NDST3: variants seen among roughly 807,000 people sequenced by gnomAD.
NDST3 encodes bifunctional heparan sulfate N-deacetylase/N-sulfotransferase 3.
NDST3 carries 58 observed loss-of-function variants against 96.1 expected under a neutral mutation model. The observed-to-expected ratio is 0.60, with a 90% CI of 0.49 to 0.75. NDST3 has a LOEUF of 0.75. Ranked by LOEUF, NDST3 falls within the 30% of genes least tolerant of loss-of-function variation. NDST3 has a pLI of 0.00. For synonymous variants in NDST3, 333 were observed against 359.7 expected (o/e 0.93, Z 0.84); for missense variants, 788 against 1,034.2 (o/e 0.76, Z 3.27).
intron 2 of NDST3, among the ~76,000 whole-genome samples, chr4:118,061,143 C>T (rs1725861595): frequency 6.6e-6 from 1 of 152,168 alleles, no homozygotes; most frequent in East Asian, 1.9e-4. Context: ...CTCCTTTTCC[C>T]TCACGCTACT....
chr4:118,235,048 G>GGAAGGAAGGAAGGAAA (rs6148636), intron 9 of NDST3, among the ~76,000 whole-genome samples: 86,946 of 127,282 alleles, frequency 0.68, 26,191 homozygotes, highest in East Asian at 0.82. Context: ...GAAAAAAAAA[G>GGAAGGAAGGAAGGAAA]GAAGGAAGGA....
intron 2 of NDST3, among the ~76,000 whole-genome samples, chr4:118,074,548 AAAG>A (rs1290737630): frequency 6.6e-6 from 1 of 152,110 alleles, no homozygotes; most frequent in Non-Finnish European, 1.5e-5. Flanking sequence ...GTTTTGTCTG[AAAG>A]AAGGATAACA....
In NDST3 at chr4:118,206,226, G is replaced by A. The variant is rs762583661; in HGVS notation, c.1540-18265G>A. Among the ~76,000 whole-genome samples, 11 of 143,996 alleles carry A rather than the reference G, an allele frequency of 7.6e-5. 1 individual carries two copies. The highest frequency in any genetic ancestry group is 1.5e-4 in the Non-Finnish European group (10 of 65,190). 94.5% of individuals were successfully genotyped at this position (143,996 alleles called of 152,430 possible). A position where few individuals can be genotyped will look rare whatever the true frequency, so the allele number is the denominator to read the frequency against. On this transcript the variant is annotated intron_variant, in intron 6 of 13. Transcript: ENST00000296499. ...TCTGTGAACTGGGCAACTACATAAC[G>A]AAGAAGATTTGAATTATATCTAAAC...
chr4:118,086,701 C>CA (rs1728451703), intron 2 of NDST3, among the ~76,000 whole-genome samples: 1 of 152,148 alleles, frequency 6.6e-6, no homozygotes, highest in African/African-American at 2.4e-5. Context: ...GTCTATACTA[C>CA]AAATGAGGGA....
chr4:118,129,829 T>G (rs1732454520), intron 4 of NDST3, among the ~76,000 whole-genome samples: 1 of 152,228 alleles, frequency 6.6e-6, no homozygotes, highest in South Asian at 2.1e-4. Flanking sequence ...TCTCTCTCTT[T>G]AGCTCTAATA....
At chr4:118,201,211 G>T (rs1014481522) in intron 6 of NDST3, among the ~76,000 whole-genome samples, 3 of 152,184 alleles carry the variant, frequency 2.0e-5, no homozygotes, top group African/African-American at 7.2e-5. Flanking sequence ...TTGATCCCAT[G>T]TCTTTGCTAG....
intron 6 of NDST3, among the ~76,000 whole-genome samples, chr4:118,150,755 G>A (rs1230595933): frequency 2.0e-5 from 3 of 151,370 alleles, no homozygotes; most frequent in Non-Finnish European, 4.4e-5. Flanking sequence ...TGGAGAGGAT[G>A]TGGAGAAATA....
intron 2 of NDST3, among the ~76,000 whole-genome samples, chr4:118,104,707 G>A (rs1466599199): frequency 6.6e-6 from 1 of 152,048 alleles, no homozygotes; most frequent in Non-Finnish European, 1.5e-5. Context: ...GGGTAAATTG[G>A]ATATATTTTA....
At chr4:118,069,933 A>T (rs1473774362) in intron 2 of NDST3, among the ~76,000 whole-genome samples, 1 of 152,050 alleles carries the variant, frequency 6.6e-6, no homozygotes, top group Admixed American at 6.6e-5. Context: ...AATTAAGTTT[A>T]AAAAGTTTTA....
intron 1 of NDST3, among the ~76,000 whole-genome samples, chr4:118,050,525 C>T (rs1002882832): frequency 1.3e-5 from 2 of 152,084 alleles, no homozygotes; most frequent in Non-Finnish European, 2.9e-5. Context: ...AGGAAAGTTT[C>T]AGGATACAAA....
chr4:118,096,567 T>A (rs1169790720), intron 2 of NDST3, among the ~76,000 whole-genome samples: 1 of 151,840 alleles, frequency 6.6e-6, no homozygotes, highest in Non-Finnish European at 1.5e-5. Flanking sequence ...ACCCTAGTCA[T>A]GATATATATA....
intron 6 of NDST3, among the ~76,000 whole-genome samples, chr4:118,154,385 A>G (rs1734598536): frequency 6.6e-6 from 1 of 152,198 alleles, no homozygotes; most frequent in Non-Finnish European, 1.5e-5. Context: ...TTTGAATCTA[A>G]TAAGAGGTTG....
intron 6 of NDST3, among the ~76,000 whole-genome samples, chr4:118,184,812 T>C (rs1224222597): frequency 2.0e-5 from 3 of 152,160 alleles, no homozygotes; most frequent in Non-Finnish European, 4.4e-5. Flanking sequence ...GTAAGCATGT[T>C]TGTGGTCTGC....
intron 2 of NDST3, among the ~76,000 whole-genome samples, chr4:118,068,969 T>C (rs181373625): frequency 1.2e-4 from 19 of 152,198 alleles, no homozygotes; most frequent in Admixed American, 9.8e-4. Context: ...GAAAACTGCC[T>C]ATGGAGATCA....
chr4:118,217,238 C>T (rs996573306), intron 6 of NDST3, among the ~76,000 whole-genome samples: 1 of 151,966 alleles, frequency 6.6e-6, no homozygotes, highest in African/African-American at 2.4e-5. Context: ...GATCAACAAC[C>T]AAGACAAGTT....
intron 3 of NDST3, among the ~76,000 whole-genome samples, chr4:118,110,978 C>G (rs1243668008): frequency 6.6e-6 from 1 of 152,152 alleles, no homozygotes; most frequent in Non-Finnish European, 1.5e-5. Context: ...GAATACTACA[C>G]AGCCATTAAA....
At chr4:118,161,922 C>T (rs542766514) in intron 6 of NDST3, among the ~76,000 whole-genome samples, 23 of 152,248 alleles carry the variant, frequency 1.5e-4, no homozygotes, top group African/African-American at 5.3e-4. Context: ...GAGATGAACC[C>T]GGTACCTCAG....
intron 5 of NDST3, among the ~76,000 whole-genome samples, chr4:118,139,227 A>T (rs1733369884): frequency 6.6e-6 from 1 of 152,186 alleles, no homozygotes; most frequent in South Asian, 2.1e-4. Flanking sequence ...CTGAAAATGA[A>T]CCTACTGTGG....
chr4:118,052,000 G>C (rs979284239), intron 1 of NDST3, among the ~76,000 whole-genome samples: 1 of 152,070 alleles, frequency 6.6e-6, no homozygotes, highest in Non-Finnish European at 1.5e-5. Context: ...ACTTAAAACA[G>C]AGCTATCACT....
Sources: allele counts gnomAD v4.1 joint callset (sites outside exome capture counted in the v4.1 genomes callset), GRCh38; gene constraint gnomAD v4.1.1; transcripts MANE v1.5; gene names NCBI Gene and HGNC (gene_info 2026-07-23, HGNC 2026-07-21).